The following CMTM4 variants were observed in gnomAD, a reference collection of about 807,000 sequenced individuals.
CMTM4 encodes CKLF like MARVEL transmembrane domain containing 4, also known as CKLF-like MARVEL transmembrane domain-containing protein 4.
Under a neutral mutation model 19.0 loss-of-function variants are expected in CMTM4, and 8 were observed. That is an observed-to-expected ratio of 0.42 (90% confidence interval 0.25 to 0.76). The LOEUF (loss-of-function observed/expected upper bound fraction) is 0.76, where lower values mean the gene tolerates loss of function less well. CMTM4 is among the 30% of genes least tolerant of loss of function. CMTM4 has a pLI of 0.27. For missense variants in CMTM4, 228 were observed against 290.2 expected, an observed-to-expected ratio of 0.79 and a Z score of 1.56; for synonymous variants, 106 against 121.1, an observed-to-expected ratio of 0.88 and a Z score of 0.82.
intron 1 of CMTM4, among the ~76,000 whole-genome samples, chr16:66,664,326 T>A (rs988935161): frequency 2.0e-5 from 3 of 151,716 alleles, no homozygotes; most frequent in Admixed American, 2.0e-4. Context: ...AGGTTCTTCA[T>A]GGAGAATGGA....
At chr16:66,664,251 A>T (rs568690609) in intron 1 of CMTM4, among the ~76,000 whole-genome samples, 54 of 151,944 alleles carry the variant, frequency 3.6e-4, no homozygotes, top group East Asian at 2.3e-3. Flanking sequence ...AAAAAAAAAA[A>T]TTTCAGATAA....
intron 1 of CMTM4, among the ~76,000 whole-genome samples, chr16:66,676,054 C>T (rs765180101): frequency 3.3e-5 from 5 of 152,000 alleles, no homozygotes; most frequent in East Asian, 1.9e-4. Flanking sequence ...CACACTCTAA[C>T]GGGAATGTAG....
Position 66,656,161 on chromosome 16 carries a change from T to C in CMTM4, c.187-19580A>G, listed in dbSNP as rs2144850140. On this transcript the variant is annotated intron_variant, in intron 1 of 3. Transcript: ENST00000394106. Reference sequence around the variant, plus strand: ...AATAATAATTAAGTATTAAAATCAATGAAAAAAATCCAAACTCATGAGTTC... The same window carrying C: ...AATAATAATTAAGTATTAAAATCAACGAAAAAAATCCAAACTCATGAGTTC... Among the ~76,000 whole-genome samples the C allele has an allele frequency of 1.3e-5, 2 of 151,788 alleles. 1 individual carries two copies. The highest frequency in any genetic ancestry group is 4.8e-5 in the African/African-American group (2 of 41,374).
intron 1 of CMTM4, among the ~76,000 whole-genome samples, chr16:66,681,349 C>T (rs2016911177): frequency 6.6e-6 from 1 of 150,952 alleles, no homozygotes; most frequent in Non-Finnish European, 1.5e-5. Context: ...CCGAGTCTTG[C>T]TCTGTTGCCC....
Position 66,618,125 on chromosome 16 carries a change from C to A in CMTM4, c.*3933G>T. On this transcript the variant is annotated 3_prime_UTR_variant, in exon 4 of 4. Coordinates refer to ENST00000394106, the MANE Select transcript of CMTM4 (RefSeq NM_181521.3). ...AACCTGGAAAAAACCCTGGATTCTG[C>A]AACTTCACTAGGAAATAACAAGGCA... is the stretch of plus-strand genomic sequence containing the variant. The A allele has an allele frequency of 1.0e-6, 1 of 985,462 alleles. No individual in the cohort carries two copies. Among genetic ancestry groups the A allele is most frequent in the Non-Finnish European group, 1.2e-6 (1 of 829,968 alleles). The allele number at this position is 985,462 out of a possible 1,614,324, so 61.0% of individuals were successfully genotyped here.
chr16:66,618,736 T>G lies in CMTM4; in HGVS notation c.*3322A>C. On this transcript the variant is annotated 3_prime_UTR_variant, in exon 4 of 4. Coordinates refer to ENST00000394106, the MANE Select transcript of CMTM4 (RefSeq NM_181521.3). ...AAGAACCACAGATGTAACTGCAAAC[T>G]TGAAGAGAGTCAGAATGTTTTCAAC... is the stretch of plus-strand genomic sequence containing the variant. 2.0e-6 allele frequency: 2 copies of G among 985,484 alleles called. No homozygotes were observed. The highest frequency in any genetic ancestry group is 5.2e-4 in the Middle Eastern group (1 of 1,914). 61.0% of individuals were successfully genotyped at this position (985,484 alleles called of 1,614,324 possible). A position where few individuals can be genotyped will look rare whatever the true frequency, so the allele number is the denominator to read the frequency against.
At chr16:66,669,814 G>A (rs1000038398) in intron 1 of CMTM4, among the ~76,000 whole-genome samples, 1 of 152,122 alleles carries the variant, frequency 6.6e-6, no homozygotes, top group Non-Finnish European at 1.5e-5. Context: ...AAAGTGCTGG[G>A]ATTACAGGCG....
At chr16:66,598,959 A>AC in the CMTM4 span, among the ~76,000 whole-genome samples, 2 of 151,794 alleles carry the variant, frequency 1.3e-5, no homozygotes, top group African/African-American at 4.8e-5. Context: ...ACATATTGAG[A>AC]CCCCATCTCT....
chr16:66,642,113 A>C (rs558254258), intron 1 of CMTM4, among the ~76,000 whole-genome samples: 1 of 152,298 alleles, frequency 6.6e-6, no homozygotes, highest in East Asian at 1.9e-4. Flanking sequence ...AAATGTCAAC[A>C]TTTTCTCTAG....
chr16:66,610,997 GC>G (rs1345025145), downstream of CMTM4: 2 of 397,992 alleles, frequency 5.0e-6, no homozygotes, highest in African/African-American at 4.1e-5. The surrounding 1 kb of genome is among the most constrained non-coding windows in gnomAD (Gnocchi z 4.6). Flanking sequence ...GCTCCCAGTT[GC>G]CCGCAGCAAG....
At chr16:66,659,387 A>T (rs1320414700) in intron 1 of CMTM4, among the ~76,000 whole-genome samples, 3 of 152,140 alleles carry the variant, frequency 2.0e-5, no homozygotes, top group African/African-American at 7.2e-5. Flanking sequence ...AAAAAAAAAA[A>T]AATCACACTA....
intron 1 of CMTM4, among the ~76,000 whole-genome samples, chr16:66,659,695 T>A (rs574381086): frequency 2.0e-5 from 3 of 152,202 alleles, no homozygotes; most frequent in Admixed American, 6.5e-5. Flanking sequence ...TAAAATAAAG[T>A]TCGTAACTGA....
At position 66,623,467 on chromosome 16, in the gene CMTM4, GA is replaced by G; in HGVS notation, c.398del (p.Phe133SerfsTer11). ...LVNTGLSAFL[F>X]FIASIVLAAL... is the part of the protein sequence containing the mutation. The stretch of plus-strand genomic sequence containing the variant: ...CAGCCAGTACGATTGAAGCAATAAA[GA>G]AAAGGAAAGCGCTGAGTCCAGTGTT... On this transcript the variant is annotated frameshift_variant, in exon 3 of 4. Coordinates refer to ENST00000394106, the MANE Select transcript of CMTM4 (RefSeq NM_181521.3). LOFTEE classifies it high-confidence loss of function. 1 of 1,614,008 alleles carries G rather than the reference GA, an allele frequency of 6.2e-7. No individual in the cohort carries two copies. Among genetic ancestry groups the G allele is most frequent in the Non-Finnish European group, 8.5e-7 (1 of 1,179,968 alleles).
At chr16:66,677,535 T>G (rs1282784699) in intron 1 of CMTM4, among the ~76,000 whole-genome samples, 1 of 152,222 alleles carries the variant, frequency 6.6e-6, no homozygotes, top group Non-Finnish European at 1.5e-5. Flanking sequence ...CCCATGGACA[T>G]TTTAACAATA....
the CMTM4 span, chr16:66,609,681 C>G: frequency 6.5e-7 from 1 of 1,538,706 alleles, no homozygotes; most frequent in Non-Finnish European, 8.8e-7. The surrounding 1 kb of genome is among the most constrained non-coding windows in gnomAD (Gnocchi z 4.4). Context: ...TCATTAAAGA[C>G]TGACTCTACC....
At position 66,675,884 on chromosome 16, in the gene CMTM4, T is replaced by C. The variant is rs992015721; in HGVS notation, c.186+20456A>G. ...AAATACTTATTTTATTTTTTTAAGATAGGACCTCACTCTGTCACCCAGGCT... is the reference window on the plus strand; with the variant it reads ...AAATACTTATTTTATTTTTTTAAGACAGGACCTCACTCTGTCACCCAGGCT... On this transcript the variant is annotated intron_variant, in intron 1 of 3. Coordinates refer to ENST00000394106, the MANE Select transcript of CMTM4 (RefSeq NM_181521.3). Among the ~76,000 whole-genome samples the C allele has an allele frequency of 2.0e-5, 3 of 151,982 alleles. 1 individual carries two copies. The highest frequency in any genetic ancestry group is 7.3e-5 in the African/African-American group (3 of 41,374).
At chr16:66,683,176 C>CATATATATAT (rs71378404) in intron 1 of CMTM4, among the ~76,000 whole-genome samples, 1 of 106,046 alleles carries the variant, frequency 9.4e-6, no homozygotes, top group African/African-American at 3.8e-5. Context: ...TATATATATA[C>CATATATATAT]ATATGTATAT....
At chr16:66,675,801 C>T (rs1030919304) in intron 1 of CMTM4, among the ~76,000 whole-genome samples, 1 of 152,164 alleles carries the variant, frequency 6.6e-6, no homozygotes, top group Non-Finnish European at 1.5e-5. Flanking sequence ...TATTTACACA[C>T]GACAAGTGGG....
intron 1 of CMTM4, among the ~76,000 whole-genome samples, chr16:66,639,275 T>C (rs1189446180): frequency 3.3e-5 from 5 of 152,186 alleles, no homozygotes; most frequent in African/African-American, 7.2e-5. Context: ...AATAACACAC[T>C]GTACTGATGA....
Sources: allele counts gnomAD v4.1 joint callset (sites outside exome capture counted in the v4.1 genomes callset), GRCh38; gene constraint gnomAD v4.1.1; non-coding constraint Gnocchi (gnomAD v3.1); transcripts MANE v1.5; gene names NCBI Gene and HGNC (gene_info 2026-07-23, HGNC 2026-07-21).